The following SNX1 variants were observed in gnomAD, a reference collection of about 807,000 sequenced individuals.
SNX1 encodes the protein sorting nexin-1.
Under a neutral mutation model 71.8 loss-of-function variants are expected in SNX1, and 36 were observed. That is an observed-to-expected ratio of 0.50 (90% CI 0.38 to 0.66). SNX1 has a LOEUF of 0.66. Among genes scored for constraint, SNX1 ranks in the 30% least tolerant of loss-of-function variants. The pLI is 0.00. For synonymous variants in SNX1, 254 were observed against 240.7 expected, an observed-to-expected ratio of 1.06 and a Z score of -0.51; for missense variants, 612 against 646.7, an observed-to-expected ratio of 0.95 and a Z score of 0.58.
chr15:64,130,374 A>G (rs1191396412), intron 10 of SNX1, 53 bp downstream of exon 10: 1 of 1,388,772 alleles, frequency 7.2e-7, no homozygotes, highest in Admixed American at 1.7e-5. Flanking sequence ...GTCTCTAGTG[A>G]ACTGGAGATG....
At position 64,136,322 on chromosome 15, in the gene SNX1, C is replaced by T. The variant is rs2081359124; in HGVS notation, c.1366-8C>T. 1 of 1,611,034 alleles carries T rather than the reference C, an allele frequency of 6.2e-7. No individual in the cohort carries two copies. Among genetic ancestry groups the T allele is most frequent in the East Asian group, 2.2e-5 (1 of 44,874 alleles). On this transcript the variant is annotated splice_polypyrimidine_tract_variant and splice_region_variant and intron_variant, in intron 12 of 14. Transcript: ENST00000559844. ...TGAGGTGATCCTTTCTTTCCTCTTTCTTCCCAGTGGGAGTCTCGGGTGACT... is the reference window on the plus strand; with the variant it reads ...TGAGGTGATCCTTTCTTTCCTCTTTTTTCCCAGTGGGAGTCTCGGGTGACT...
chr15:64,118,680 T>C, intron 3 of SNX1, 108 bp from the exon 4 acceptor site: 2 of 808,776 alleles, frequency 2.5e-6, no homozygotes, highest in Non-Finnish European at 4.0e-6. Flanking sequence ...AGCTGAACAC[T>C]GAAGGATACA....
intron 13 of SNX1, 24 bp from the exon 14 acceptor site, chr15:64,136,837 T>G: frequency 6.3e-7 from 1 of 1,595,520 alleles, no homozygotes; most frequent in Non-Finnish European, 8.6e-7. Context: ...AACTGGATGG[T>G]CAGTGTAGAA....
chr15:64,131,277 A>G (rs1288389882), intron 10 of SNX1, among the ~76,000 whole-genome samples: 1 of 152,230 alleles, frequency 6.6e-6, no homozygotes, highest in Non-Finnish European at 1.5e-5. Context: ...GCCCTACTCT[A>G]GAACGTGCAA....
intron 1 of SNX1, among the ~76,000 whole-genome samples, chr15:64,107,778 T>G (rs1170892828): frequency 6.6e-6 from 1 of 151,906 alleles, no homozygotes; most frequent in Non-Finnish European, 1.5e-5. Flanking sequence ...TTCTTTGGCA[T>G]TATTTACTGT....
chr15:64,112,508 T>C, intron 1 of SNX1, 65 bp from the exon 2 acceptor site: 1 of 1,118,894 alleles, frequency 8.9e-7, no homozygotes, highest in Non-Finnish European at 1.3e-6. Flanking sequence ...TAAAAGTTGC[T>C]TTCTAGGCAA....
chr15:64,121,838 G>C (rs74019204), intron 4 of SNX1, among the ~76,000 whole-genome samples: 4,889 of 152,120 alleles, frequency 0.032, 264 homozygotes, highest in African/African-American at 0.11. Flanking sequence ...TTATAACAAC[G>C]CATTCTGTTT....
chr15:64,131,907 C>T lies in SNX1; in HGVS notation c.1221+15C>T. The stretch of plus-strand genomic sequence containing the variant: ...CCATAGTCCGCGTAAGCTTCTGTTT[C>T]CTTTTCTCCTCCTTCCCTTGATTTG... On this transcript the variant is annotated intron_variant, in intron 11 of 14. Transcript: ENST00000559844. 1 of 1,611,330 alleles carries T rather than the reference C, an allele frequency of 6.2e-7. No homozygotes were observed. Among genetic ancestry groups the T allele is most frequent in the Non-Finnish European group, 8.5e-7 (1 of 1,177,512 alleles).
chr15:64,096,583 G>A (rs1033148258), intron 1 of SNX1, among the ~76,000 whole-genome samples: 1 of 152,194 alleles, frequency 6.6e-6, no homozygotes, highest in African/African-American at 2.4e-5. Flanking sequence ...AGCGTTATGT[G>A]GACTAGCCTG....
At chr15:64,125,953 T>C in intron 5 of SNX1, 126 bp from the exon 6 acceptor site, 1 of 983,790 alleles carries the variant, frequency 1.0e-6, no homozygotes, top group South Asian at 1.4e-5. Flanking sequence ...TTGGAGAAAG[T>C]TATTTGCCAG....
At chr15:64,101,302 T>A (rs900947304) in intron 1 of SNX1, among the ~76,000 whole-genome samples, 6 of 152,236 alleles carry the variant, frequency 3.9e-5, no homozygotes, top group African/African-American at 1.4e-4. Context: ...TCAATCACCA[T>A]TCTAACTTTG....
At chr15:64,126,611 C>T (rs971281022) in intron 6 of SNX1, among the ~76,000 whole-genome samples, 3 of 152,052 alleles carry the variant, frequency 2.0e-5, no homozygotes, top group Non-Finnish European at 2.9e-5. Flanking sequence ...GGTGGAGTCT[C>T]GCTCTGTCAC....
chr15:64,111,117 A>C (rs1434902358), intron 1 of SNX1, among the ~76,000 whole-genome samples: 1 of 152,252 alleles, frequency 6.6e-6, no homozygotes, highest in East Asian at 1.9e-4. Flanking sequence ...GTGGCTTCAC[A>C]TGAGATCTAT....
At chr15:64,097,264 G>A (rs975423322) in intron 1 of SNX1, among the ~76,000 whole-genome samples, 1 of 152,244 alleles carries the variant, frequency 6.6e-6, no homozygotes. Context: ...AGGGATAGTA[G>A]CCTTTGATCC....
intron 5 of SNX1, 128 bp from the exon 6 acceptor site, chr15:64,125,951 A>G (rs1225751871): frequency 5.2e-6 from 5 of 959,022 alleles, no homozygotes; most frequent in Non-Finnish European, 8.1e-6. Flanking sequence ...CCTTGGAGAA[A>G]GTTATTTGCC....
At chr15:64,120,796 A>G (rs907505413) in intron 4 of SNX1, among the ~76,000 whole-genome samples, 18 of 152,194 alleles carry the variant, frequency 1.2e-4, no homozygotes, top group Non-Finnish European at 2.1e-4. Flanking sequence ...AGCTGAGGTA[A>G]TACTACTGCA....
chr15:64,122,678 G>C (rs1380103747), intron 4 of SNX1, among the ~76,000 whole-genome samples: 4 of 152,096 alleles, frequency 2.6e-5, no homozygotes, highest in Non-Finnish European at 5.9e-5. Context: ...ATCAAGGGTG[G>C]GGGAGGCAGG....
At chr15:64,132,703 C>T (rs569832306) in intron 11 of SNX1, among the ~76,000 whole-genome samples, 5 of 152,252 alleles carry the variant, frequency 3.3e-5, no homozygotes, top group East Asian at 1.9e-4. Context: ...TAGAACAGTG[C>T]CCCCCGCTCG....
At chr15:64,136,811 C>A in intron 13 of SNX1, 50 bp from the exon 14 acceptor site, 2 of 1,434,668 alleles carry the variant, frequency 1.4e-6, no homozygotes, top group South Asian at 1.2e-5. Context: ...ACCATCCCAT[C>A]GAAAGGGAAA....
Sources: gnomAD v4.1 joint callset for allele counts (sites outside exome capture counted in the v4.1 genomes callset) on GRCh38, gnomAD v4.1.1 for gene constraint, MANE v1.5 for transcripts, NCBI Gene and HGNC (gene_info 2026-07-23, HGNC 2026-07-21) for gene names.